Variants in CDH1 observed in about 807,000 individuals in gnomAD.
CDH1 encodes the protein cadherin-1.
A neutral mutation model predicts 84.5 loss-of-function variants in CDH1; 35 were observed. That is an observed-to-expected ratio of 0.41 (90% confidence interval 0.32 to 0.55). CDH1 has a LOEUF of 0.55. Among genes scored for constraint, CDH1 ranks in the 20% least tolerant of loss-of-function variants. CDH1 has a pLI of 0.19. For missense variants in CDH1, 994 were observed against 1,126.6 expected (o/e 0.88, Z 1.68); for synonymous variants, 417 against 439.0 (o/e 0.95, Z 0.63).
At chr16:68,802,584 C>T (rs1438639347) in intron 3 of CDH1, among the ~76,000 whole-genome samples, 1 of 152,064 alleles carries the variant, frequency 6.6e-6, no homozygotes, top group African/African-American at 2.4e-5. Context: ...GATCCTCCTG[C>T]CTCCACCTCC....
At chr16:68,826,835 G>C (rs1027524780) in intron 13 of CDH1, among the ~76,000 whole-genome samples, 1 of 152,194 alleles carries the variant, frequency 6.6e-6, no homozygotes, top group Admixed American at 6.5e-5. Flanking sequence ...AGCCAATTCA[G>C]TGTTCTTGTT....
rs33932753 is a variant in CDH1 at position 68,801,969 on chromosome 16, C to G, written c.387+76C>G. 6.7e-5 allele frequency: 83 copies of G among 1,234,146 alleles called. No individual in the cohort carries two copies. In the South Asian group the frequency reaches 9.4e-4, roughly 14 times the overall value. 76.4% of individuals were successfully genotyped at this position (1,234,146 alleles called of 1,614,324 possible). ...AATCCAGGTTTCTCAGCCTTGGTAC[C>G]GTTGACATTTTGGGCTGGATGATTT... On this transcript the variant is annotated intron_variant, in intron 3 of 15. Coordinates refer to ENST00000261769, the MANE Select transcript of CDH1 (RefSeq NM_004360.5).
At chr16:68,811,598 C>T (rs1960830744) in intron 6 of CDH1, 86 bp from the exon 7 acceptor site, 2 of 1,189,168 alleles carry the variant, frequency 1.7e-6, no homozygotes, top group Non-Finnish European at 2.5e-6. Context: ...CCTCCTTTAT[C>T]CCTCAGGGCA....
At chr16:68,823,708 A>G in intron 13 of CDH1, 82 bp downstream of exon 13, 1 of 935,202 alleles carries the variant, frequency 1.1e-6, no homozygotes, top group Non-Finnish European at 1.7e-6. Context: ...TTTTGTTCTT[A>G]TATTAATAAG....
intron 2 of CDH1, among the ~76,000 whole-genome samples, chr16:68,801,118 T>C (rs34508946): frequency 2.6e-5 from 4 of 152,292 alleles, no homozygotes; most frequent in Non-Finnish European, 1.5e-5. Flanking sequence ...TACTTTTATT[T>C]ATTTATTTTT....
At chr16:68,813,176 A>G (rs1960885567) in intron 8 of CDH1, 137 bp from the exon 9 acceptor site, 1 of 894,236 alleles carries the variant, frequency 1.1e-6, no homozygotes, top group East Asian at 2.6e-5. Flanking sequence ...ATGATCGCTC[A>G]AATACACTCC....
chr16:68,822,177 C>G lies in CDH1; in HGVS notation c.1888C>G (p.Leu630Val), dbSNP rs2276331. Residue 630 changes from leucine (L) to valine (V), a missense_variant, in exon 12 of 16, where the codon CTA becomes GTA. Physicochemically the swap from Leu to Val is conservative, Grantham distance 32. Coordinates refer to ENST00000261769, the MANE Select transcript of CDH1 (RefSeq NM_004360.5). ...PPNTSPFTAE[L>V]THGASANWTI... Reference sequence around the variant, plus strand: ...CAATACATCTCCCTTCACAGCAGAACTAACACACGGGGCGAGTGCCAACTG... The same window carrying G: ...CAATACATCTCCCTTCACAGCAGAAGTAACACACGGGGCGAGTGCCAACTG... 267 of 1,614,146 alleles carry G rather than the reference C, an allele frequency of 1.7e-4. No individual in the cohort carries two copies. In the East Asian group the frequency reaches 5.6e-3, roughly 34 times the overall value.
At chr16:68,771,800 C>T (rs1444190048) in intron 2 of CDH1, among the ~76,000 whole-genome samples, 1 of 151,900 alleles carries the variant, frequency 6.6e-6, no homozygotes, top group Non-Finnish European at 1.5e-5. Flanking sequence ...CTATGTTGCC[C>T]AGGCTGGTCT....
In CDH1 at chr16:68,827,830, C is replaced by T. The variant is rs188124477; in HGVS notation, c.2165-344C>T. 3.2e-4 allele frequency among the ~76,000 whole-genome samples: 48 copies of T among 152,276 alleles called. 2 individuals are homozygous for T. Among genetic ancestry groups the T allele is most frequent in the African/African-American group, 1.1e-3 (46 of 41,556 alleles). Reference sequence around the variant, plus strand: ...GCCTCCTCACCTTCCCTCCATCACACCAAACATGCTCCTCCTGCCTCAGGA... The same window carrying T: ...GCCTCCTCACCTTCCCTCCATCACATCAAACATGCTCCTCCTGCCTCAGGA... On this transcript the variant is annotated intron_variant, in intron 13 of 15. Coordinates refer to ENST00000261769, the MANE Select transcript of CDH1 (RefSeq NM_004360.5).
intron 2 of CDH1, among the ~76,000 whole-genome samples, chr16:68,783,388 CA>C (rs375080273): frequency 0.03 from 1,853 of 61,936 alleles, 6 homozygotes; most frequent in Admixed American, 0.036. Context: ...CAGAGTATCT[CA>C]AAAAAAAAAA....
At chr16:68,786,499 AGTCT>A in intron 2 of CDH1, among the ~76,000 whole-genome samples, 1 of 131,134 alleles carries the variant, frequency 7.6e-6, no homozygotes, top group South Asian at 2.4e-4. Flanking sequence ...TGAGCCCCCC[AGTCT>A]GAGATCTTTC....
rs1388994965 is a variant in CDH1 at position 68,829,864 on chromosome 16, A to G, written c.2439+67A>G. The G allele has an allele frequency of 3.3e-6, 5 of 1,522,006 alleles. No individual in the cohort carries two copies. The African/African-American group carries it at 5.5e-5, about 17-fold the overall frequency. 94.3% of individuals were successfully genotyped at this position (1,522,006 alleles called of 1,614,324 possible). On this transcript the variant is annotated intron_variant, in intron 15 of 15. Coordinates refer to ENST00000261769, the MANE Select transcript of CDH1 (RefSeq NM_004360.5). ...AAGCTCAGGAGGAGTTGTGTCAAAAATGAGAAAAAGAGTCTTTAGATTCTT... is the reference window on the plus strand; with the variant it reads ...AAGCTCAGGAGGAGTTGTGTCAAAAGTGAGAAAAAGAGTCTTTAGATTCTT...
chr16:68,813,267 T>A (rs1210857564), intron 8 of CDH1, 46 bp from the exon 9 acceptor site: 1 of 1,589,926 alleles, frequency 6.3e-7, no homozygotes, highest in Non-Finnish European at 8.6e-7. Flanking sequence ...TCAGCTCTGC[T>A]AGCAGTCTTG....
At chr16:68,737,843 G>A (rs1962441722) in intron 1 of CDH1, among the ~76,000 whole-genome samples, 1 of 152,166 alleles carries the variant, frequency 6.6e-6, no homozygotes, top group African/African-American at 2.4e-5. Context: ...GATCTTCGAG[G>A]GAAGGAGAGG....
intron 2 of CDH1, among the ~76,000 whole-genome samples, chr16:68,746,238 A>G (rs903931200): frequency 3.9e-5 from 6 of 152,054 alleles, no homozygotes; most frequent in African/African-American, 1.4e-4. Context: ...AGCTTGACCA[A>G]CGTGGTGAAA....
intron 10 of CDH1, among the ~76,000 whole-genome samples, chr16:68,818,783 G>T (rs1347729765): frequency 1.4e-5 from 2 of 147,104 alleles, no homozygotes; most frequent in African/African-American, 5.0e-5. Flanking sequence ...CCAGGAGGTG[G>T]AGCTTGCAGC....
At chr16:68,812,291 C>A (rs1482122114) in intron 8 of CDH1, 28 bp downstream of exon 8, 1 of 1,612,716 alleles carries the variant, frequency 6.2e-7, no homozygotes, top group Non-Finnish European at 8.5e-7. Flanking sequence ...TAGAGGGTTT[C>A]CAAAGAAAGG....
In CDH1 at chr16:68,795,993, C is replaced by G. The variant is rs1960347938; in HGVS notation, c.164-5677C>G. Among the ~76,000 whole-genome samples the G allele has an allele frequency of 2.6e-5, 4 of 151,816 alleles. No homozygotes were observed. The South Asian group carries it at 8.4e-4, about 32-fold the overall frequency. ...CCTGGCCAACATAGTGAAACCCCGT[C>G]TCTACTAAAAATACAAAAGATTAGC... On this transcript the variant is annotated intron_variant, in intron 2 of 15. Transcript: ENST00000261769.
intron 3 of CDH1, among the ~76,000 whole-genome samples, chr16:68,806,138 T>G (rs1168180657): frequency 8.2e-6 from 1 of 122,304 alleles, no homozygotes; most frequent in African/African-American, 2.7e-5. Context: ...ATTTATTTAT[T>G]TATTTATTTA....
Sources: gnomAD v4.1 joint callset for allele counts (sites outside exome capture counted in the v4.1 genomes callset) on GRCh38, gnomAD v4.1.1 for gene constraint, MANE v1.5 for transcripts, NCBI Gene and HGNC (gene_info 2026-07-23, HGNC 2026-07-21) for gene names.